The following WDFY2 variants were observed in gnomAD, a reference collection of about 807,000 sequenced individuals.
WDFY2 encodes the protein WD repeat and FYVE domain containing 2, also known as WD repeat and FYVE domain-containing protein 2.
WDFY2 carries 36 observed loss-of-function variants against 56.4 expected under a neutral mutation model. The ratio of observed to expected loss-of-function variants is 0.64; its 90% CI spans 0.49 to 0.84. The LOEUF is 0.84. Among genes scored for constraint, WDFY2 ranks in the 40% least tolerant of loss-of-function variants. The pLI is 0.00. For synonymous variants in WDFY2, 176 were observed against 183.7 expected (o/e 0.96, Z 0.34); for missense variants, 444 against 512.2 (o/e 0.87, Z 1.29).
chr13:51,758,169 G>T, intron 10 of WDFY2, 23 bp from the exon 11 acceptor site: 1 of 1,530,790 alleles, frequency 6.5e-7, no homozygotes, highest in South Asian at 1.2e-5. Context: ...TTTCCCCTCA[G>T]AAGCTTTCTT....
chr13:51,677,606 C>A (rs1226699340), intron 3 of WDFY2, among the ~76,000 whole-genome samples: 1 of 152,160 alleles, frequency 6.6e-6, no homozygotes, highest in Admixed American at 6.6e-5. Context: ...CAGAAAGTAA[C>A]ATCATTATTT....
At chr13:51,621,310 G>GC (rs1954721628) in intron 1 of WDFY2, among the ~76,000 whole-genome samples, 1 of 152,190 alleles carries the variant, frequency 6.6e-6, no homozygotes, top group Non-Finnish European at 1.5e-5. Flanking sequence ...TCCGAGACCA[G>GC]CCTGGCCAAC....
At chr13:51,672,868 A>G (rs1290482465) in intron 2 of WDFY2, among the ~76,000 whole-genome samples, 2 of 152,222 alleles carry the variant, frequency 1.3e-5, no homozygotes, top group East Asian at 3.8e-4. Context: ...GATGTATAGC[A>G]GAGCTACTGA....
chr13:51,636,686 T>C (rs939257565), intron 1 of WDFY2, among the ~76,000 whole-genome samples: 6 of 152,218 alleles, frequency 3.9e-5, no homozygotes, highest in Non-Finnish European at 4.4e-5. Flanking sequence ...GACAGAATGC[T>C]CTTTGTCTTT....
chr13:51,690,184 T>TTA lies in WDFY2; in HGVS notation c.280-13400_280-13399dup, dbSNP rs1195707957. On this transcript the variant is annotated intron_variant, in intron 3 of 11. Coordinates refer to ENST00000298125, the MANE Select transcript of WDFY2 (RefSeq NM_052950.4). ...AATTTTTCCATTTTGATTTAGATCATTATATATATATATTTTTTTTATTAT... is the reference window on the plus strand; with the variant it reads ...AATTTTTCCATTTTGATTTAGATCATTATATATATATATATTTTTTTTATTAT... Among the ~76,000 whole-genome samples the TTA allele has an allele frequency of 1.7e-3, 5 of 2,908 alleles. No homozygotes were observed. In the East Asian group the frequency reaches 0.18, roughly 106 times the overall value. 1.9% of individuals were successfully genotyped at this position (2,908 alleles called of 152,430 possible).
chr13:51,728,619 A>G (rs1952654973), intron 6 of WDFY2, among the ~76,000 whole-genome samples: 1 of 152,144 alleles, frequency 6.6e-6, no homozygotes, highest in Admixed American at 6.5e-5. Flanking sequence ...GTAAAATTGG[A>G]TAGTACCTGG....
chr13:51,659,322 A>C (rs962471472), intron 1 of WDFY2, among the ~76,000 whole-genome samples: 1 of 152,190 alleles, frequency 6.6e-6, no homozygotes, highest in Non-Finnish European at 1.5e-5. Context: ...TGACTTAAAT[A>C]GTATCTTTAG....
chr13:51,727,625 T>G lies in WDFY2; in HGVS notation c.486-53T>G, dbSNP rs147270169. ...TTACATTTATGCCCTGTTTTTTCAT[T>G]GTAAATTCCCTCATTTAATTTTGAG... On this transcript the variant is annotated intron_variant, in intron 5 of 11. Transcript: ENST00000298125. 100 of 1,555,460 alleles carry G rather than the reference T, an allele frequency of 6.4e-5. No homozygotes were observed. The African/African-American group carries it at 1.1e-3, about 17-fold the overall frequency.
intron 1 of WDFY2, among the ~76,000 whole-genome samples, chr13:51,650,843 G>A (rs1417206724): frequency 2.6e-5 from 4 of 152,198 alleles, no homozygotes; most frequent in African/African-American, 7.2e-5. Flanking sequence ...TTTTTGGATC[G>A]ACATTCATCA....
intron 1 of WDFY2, among the ~76,000 whole-genome samples, chr13:51,658,988 G>T (rs1000133711): frequency 1.3e-5 from 2 of 152,022 alleles, no homozygotes; most frequent in African/African-American, 4.8e-5. Flanking sequence ...GTGTAATGGC[G>T]CCATCTTGGC....
chr13:51,628,475 C>T (rs1048433975), intron 1 of WDFY2, among the ~76,000 whole-genome samples: 1 of 152,176 alleles, frequency 6.6e-6, no homozygotes, highest in Non-Finnish European at 1.5e-5. Context: ...CAGGGATGCT[C>T]GTGTCTGGAG....
At chr13:51,693,920 C>G (rs1315327306) in intron 3 of WDFY2, among the ~76,000 whole-genome samples, 3 of 151,634 alleles carry the variant, frequency 2.0e-5, no homozygotes, top group Admixed American at 2.0e-4. Flanking sequence ...TTGAATTGAT[C>G]CCTTTACCAT....
intron 1 of WDFY2, among the ~76,000 whole-genome samples, chr13:51,600,419 T>C (rs1954251127): frequency 6.6e-6 from 1 of 152,230 alleles, no homozygotes; most frequent in African/African-American, 2.4e-5. Flanking sequence ...TTCTCCCTAC[T>C]GCTCATCGGT....
chr13:51,615,705 A>G (rs1261320004), intron 1 of WDFY2, among the ~76,000 whole-genome samples: 1 of 152,248 alleles, frequency 6.6e-6, no homozygotes, highest in Non-Finnish European at 1.5e-5. Context: ...TTAACTAGAA[A>G]GCTGTTAAGT....
At chr13:51,721,448 C>A (rs1278011613) in intron 5 of WDFY2, among the ~76,000 whole-genome samples, 1 of 152,142 alleles carries the variant, frequency 6.6e-6, no homozygotes, top group African/African-American at 2.4e-5. Flanking sequence ...AACAAATGGA[C>A]AATGTCCAAT....
At chr13:51,702,347 A>G (rs1333844520) in intron 3 of WDFY2, among the ~76,000 whole-genome samples, 1 of 152,062 alleles carries the variant, frequency 6.6e-6, no homozygotes, top group Non-Finnish European at 1.5e-5. Context: ...GCTGTGTCCA[A>G]TTGTAGGTCT....
At position 51,675,421 on chromosome 13, in the gene WDFY2, G is replaced by C. The variant is rs184976526; in HGVS notation, c.279+178G>C. On this transcript the variant is annotated intron_variant, in intron 3 of 11. Coordinates refer to ENST00000298125, the MANE Select transcript of WDFY2 (RefSeq NM_052950.4). Reference sequence around the variant, plus strand: ...TCTAATGTAGGGAGAGCTATCATCAGTATCCACTTAAATGCTGACAAGGTT... The same window carrying C: ...TCTAATGTAGGGAGAGCTATCATCACTATCCACTTAAATGCTGACAAGGTT... Among the ~76,000 whole-genome samples, 162 of 152,300 alleles carry C rather than the reference G, an allele frequency of 1.1e-3. 1 individual carries two copies. The highest frequency in any genetic ancestry group is 3.8e-3 in the African/African-American group (159 of 41,562).
chr13:51,739,855 G>T (rs1952928618), intron 7 of WDFY2, among the ~76,000 whole-genome samples: 3 of 152,150 alleles, frequency 2.0e-5, no homozygotes. Context: ...ACTCCCCACT[G>T]GTGACCCTCA....
chr13:51,693,804 TTGTGTGG>T (rs1951800891), intron 3 of WDFY2, among the ~76,000 whole-genome samples: 1 of 152,162 alleles, frequency 6.6e-6, no homozygotes, highest in Non-Finnish European at 1.5e-5. Flanking sequence ...CCCATTATTA[TTGTGTGG>T]GAGTCTAAGT....
Sources: allele counts gnomAD v4.1 joint callset (sites outside exome capture counted in the v4.1 genomes callset), GRCh38; gene constraint gnomAD v4.1.1; transcripts MANE v1.5; gene names NCBI Gene and HGNC (gene_info 2026-07-23, HGNC 2026-07-21).